KDSR: variants seen among roughly 807,000 people sequenced by gnomAD.
The protein encoded by KDSR is 3-ketodihydrosphingosine reductase, also known as 3-dehydrosphinganine reductase.
In KDSR, 23 loss-of-function variants were observed where a neutral mutation model predicts 41.3. The observed-to-expected ratio is 0.56, with a 90% CI of 0.40 to 0.79. KDSR has a LOEUF of 0.79. Among genes scored for constraint, KDSR ranks in the 30% least tolerant of loss-of-function variants. The pLI, the probability that KDSR is intolerant of heterozygous loss-of-function variation, is 0.00. For synonymous variants in KDSR, 138 were observed against 151.7 expected (o/e 0.91, Z 0.66); for missense variants, 351 against 416.8 (o/e 0.84, Z 1.37).
intron 5 of KDSR, 88 bp from the exon 6 acceptor site, chr18:63,351,167 TCAATG>T (rs1460490718): frequency 1.8e-6 from 2 of 1,093,842 alleles, no homozygotes; most frequent in African/African-American, 3.2e-5. Context: ...TTTCAGTTCT[TCAATG>T]CAAGCTCAAG....
At chr18:63,341,284 A>G (rs1308609683) in intron 7 of KDSR, among the ~76,000 whole-genome samples, 1 of 152,236 alleles carries the variant, frequency 6.6e-6, no homozygotes, top group Non-Finnish European at 1.5e-5. Context: ...GAATATCCTT[A>G]GACATAAGAG....
chr18:63,356,120 A>G (rs898098533), intron 3 of KDSR, among the ~76,000 whole-genome samples: 1 of 152,218 alleles, frequency 6.6e-6, no homozygotes, highest in Admixed American at 6.5e-5. Flanking sequence ...GTAATCGGCC[A>G]GGCGCGGTGG....
chr18:63,362,739 C>T (rs765937514), intron 2 of KDSR, 40 bp downstream of exon 2: 6 of 1,374,720 alleles, frequency 4.4e-6, no homozygotes, highest in South Asian at 1.2e-5. Context: ...AATTTCAAGT[C>T]GAAGAAGCAA....
intron 2 of KDSR, among the ~76,000 whole-genome samples, chr18:63,361,695 G>A (rs949768255): frequency 9.2e-5 from 14 of 152,042 alleles, no homozygotes; most frequent in Admixed American, 2.6e-4. Context: ...GGCGCCTGTA[G>A]TCCCAGCTAC....
At chr18:63,350,692 G>A (rs543953425) in intron 6 of KDSR, among the ~76,000 whole-genome samples, 196 bp downstream of exon 6, 1 of 152,274 alleles carries the variant, frequency 6.6e-6, no homozygotes, top group East Asian at 1.9e-4. Flanking sequence ...TTTTGCATCT[G>A]TCGTTAACTA....
At chr18:63,361,866 C>T (rs943795143) in intron 2 of KDSR, among the ~76,000 whole-genome samples, 5 of 152,094 alleles carry the variant, frequency 3.3e-5, no homozygotes, top group African/African-American at 9.7e-5. Context: ...ACTAAGTCTG[C>T]GACATTATTT....
intron 3 of KDSR, among the ~76,000 whole-genome samples, chr18:63,357,059 T>C (rs1345769748): frequency 2.0e-5 from 3 of 152,164 alleles, no homozygotes; most frequent in Non-Finnish European, 4.4e-5. Context: ...GCTGCAGCAA[T>C]TTAAGGCAAA....
chr18:63,351,107 G>A lies in KDSR; in HGVS notation c.418-28C>T, dbSNP rs1914652291. 3 of 1,574,712 alleles carry A rather than the reference G, an allele frequency of 1.9e-6. No homozygotes were observed. In the African/African-American group the frequency reaches 4.1e-5, roughly 21 times the overall value. On this transcript the variant is annotated intron_variant, in intron 5 of 9. Transcript: ENST00000645214. ...GCAGGGAACAAAGAGGCCACATGAG[G>A]TCAAAAGCCTCAAGGCTGTGCACAT...
chr18:63,342,144 G>T (rs2144356087), intron 7 of KDSR, among the ~76,000 whole-genome samples: 1 of 146,550 alleles, frequency 6.8e-6, no homozygotes, highest in East Asian at 2.0e-4. Flanking sequence ...ACTCCAGCAT[G>T]GGTGACAGAG....
chr18:63,356,008 G>A (rs1914783367), intron 3 of KDSR, among the ~76,000 whole-genome samples: 1 of 152,182 alleles, frequency 6.6e-6, no homozygotes, highest in African/African-American at 2.4e-5. Flanking sequence ...AATATAACCT[G>A]CAGCATTCTA....
intron 7 of KDSR, among the ~76,000 whole-genome samples, chr18:63,339,315 AG>A (rs1352922002): frequency 6.6e-5 from 10 of 152,246 alleles, no homozygotes; most frequent in African/African-American, 2.4e-4. Context: ...CCATATTCCC[AG>A]GTCAGCAGAG....
chr18:63,364,595 C>T (rs533585456), intron 1 of KDSR, among the ~76,000 whole-genome samples: 34 of 152,248 alleles, frequency 2.2e-4, no homozygotes, highest in African/African-American at 7.5e-4. Context: ...AGGCGTGCGC[C>T]AGCACGCCCA....
intron 8 of KDSR, among the ~76,000 whole-genome samples, chr18:63,337,667 A>C: frequency 6.6e-6 from 1 of 152,324 alleles, no homozygotes; most frequent in South Asian, 2.1e-4. Flanking sequence ...TCACGCCTGT[A>C]ATCCCAGCAC....
chr18:63,344,602 G>A, intron 6 of KDSR, 109 bp from the exon 7 acceptor site: 1 of 701,780 alleles, frequency 1.4e-6, no homozygotes, highest in Non-Finnish European at 2.5e-6. Context: ...GAGAACAATG[G>A]GGTGATTCTG....
At chr18:63,354,230 G>C (rs897583288) in intron 5 of KDSR, among the ~76,000 whole-genome samples, 6 of 152,210 alleles carry the variant, frequency 3.9e-5, no homozygotes, top group Admixed American at 3.3e-4. Context: ...AGGACACTCC[G>C]CTTGAGCCCG....
Position 63,367,055 on chromosome 18 carries a change from G to A in KDSR, c.64C>T (p.Leu22Phe). The A allele has an allele frequency of 7.5e-7, 1 of 1,330,386 alleles. No homozygotes were observed. The highest frequency in any genetic ancestry group is 2.9e-5 in the South Asian group (1 of 34,506). 82.4% of individuals were successfully genotyped at this position (1,330,386 alleles called of 1,614,324 possible). A position where few individuals can be genotyped will look rare whatever the true frequency, so the allele number is the denominator to read the frequency against. ...FVLLLYMVSP[L>F]ISPKPLALPG... ...AGGGCGAGGGGCTTGGGGCTGATGA[G>A]CGGAGACACCATGTACAGCAGCAGC... is the stretch of plus-strand genomic sequence containing the variant. The change falls in exon 1 of 10, where the codon CTC becomes TTC. Residue 22 changes from leucine (L) to phenylalanine (F), a missense_variant. Physicochemically the swap from Leu to Phe is conservative, Grantham distance 22. Coordinates refer to ENST00000645214, the MANE Select transcript of KDSR (RefSeq NM_002035.4).
At chr18:63,366,101 T>G (rs1448231051) in intron 1 of KDSR, 2 of 152,120 alleles carry the variant, frequency 1.3e-5, no homozygotes, top group African/African-American at 4.8e-5. Flanking sequence ...GTTTGGGAGA[T>G]CCAAACGAGA....
At chr18:63,342,926 C>T (rs1484127450) in intron 7 of KDSR, among the ~76,000 whole-genome samples, 1 of 152,114 alleles carries the variant, frequency 6.6e-6, no homozygotes. Context: ...TTGCTATTCT[C>T]GTGATACTGA....
At chr18:63,355,914 A>G (rs1267111596) in intron 3 of KDSR, among the ~76,000 whole-genome samples, 1 of 152,230 alleles carries the variant, frequency 6.6e-6, no homozygotes, top group Non-Finnish European at 1.5e-5. Flanking sequence ...ATTCCATATA[A>G]GGGCCTCAGT....
Sources: gnomAD v4.1 joint callset for allele counts (sites outside exome capture counted in the v4.1 genomes callset) on GRCh38, gnomAD v4.1.1 for gene constraint, MANE v1.5 for transcripts, NCBI Gene and HGNC (gene_info 2026-07-23, HGNC 2026-07-21) for gene names.